Variants in NRXN3 observed in about 807,000 individuals in gnomAD.
The protein encoded by NRXN3 is neurexin III.
NRXN3 carries 32 observed loss-of-function variants against 137.6 expected under a neutral mutation model. That is an observed-to-expected ratio of 0.23 (90% CI 0.18 to 0.31). The LOEUF (loss-of-function observed/expected upper bound fraction) is 0.31, where lower values mean the gene tolerates loss of function less well. Ranked by LOEUF, NRXN3 falls within the 10% of genes least tolerant of loss-of-function variation. NRXN3 has a pLI of 1.00. For missense variants in NRXN3, 1,574 were observed against 2,062.5 expected, an observed-to-expected ratio of 0.76 and a Z score of 4.59; for synonymous variants, 798 against 784.5, an observed-to-expected ratio of 1.02 and a Z score of -0.29.
intron 15 of NRXN3, among the ~76,000 whole-genome samples, chr14:79,371,782 T>G (rs1347508786): frequency 6.6e-6 from 1 of 152,150 alleles, no homozygotes; most frequent in Non-Finnish European, 1.5e-5. Context: ...TACTGCCCAT[T>G]TTATTTGAGG....
chr14:78,510,040 T>TTATATATATATA lies in NRXN3; in HGVS notation c.758-135072_758-135061dup, dbSNP rs57232548. 5.3e-3 allele frequency among the ~76,000 whole-genome samples: 770 copies of TTATATATATATA among 144,468 alleles called. 20 individuals carry two copies. The highest frequency in any genetic ancestry group is 0.019 in the African/African-American group (707 of 36,556). The allele number at this position is 144,468 out of a possible 152,430, so 94.8% of individuals were successfully genotyped here. ...AAGGCAGCCAGAACATGACAAAATT[T>TTATATATATATA]TATATATATATATATATATTTTGGC... On this transcript the variant is annotated intron_variant, in intron 4 of 20. Coordinates refer to ENST00000335750, the MANE Select transcript of NRXN3 (RefSeq NM_001330195.2).
chr14:78,514,079 C>G (rs934557721), intron 4 of NRXN3, among the ~76,000 whole-genome samples: 1 of 151,910 alleles, frequency 6.6e-6, no homozygotes, highest in African/African-American at 2.4e-5. Context: ...CTGCTGCCAC[C>G]TTTCATATTC....
At chr14:78,493,050 C>T (rs73320481) in intron 4 of NRXN3, among the ~76,000 whole-genome samples, 3,247 of 152,182 alleles carry the variant, frequency 0.021, 111 homozygotes, top group African/African-American at 0.071. Context: ...GTACCCTTTC[C>T]GATAATGCTT....
intron 10 of NRXN3, among the ~76,000 whole-genome samples, chr14:78,877,080 T>C (rs2152610799): frequency 6.6e-6 from 1 of 152,298 alleles, no homozygotes; most frequent in East Asian, 1.9e-4. Context: ...AAATTCAACA[T>C]TCACAAGTGC....
chr14:79,816,671 C>T (rs2293814), intron 20 of NRXN3, among the ~76,000 whole-genome samples: 16,100 of 152,198 alleles, frequency 0.11, 1,153 homozygotes, highest in African/African-American at 0.19. Flanking sequence ...ATAGCATGAT[C>T]CCATTACATA....
At position 79,783,714 on chromosome 14, in the gene NRXN3, G is replaced by C. The variant is rs1392556718; in HGVS notation, c.4015-21398G>C. Among the ~76,000 whole-genome samples the C allele has an allele frequency of 2.8e-4, 43 of 152,134 alleles. 1 individual carries two copies. The highest frequency in any genetic ancestry group is 1.5e-5 in the Non-Finnish European group (1 of 68,022). On this transcript the variant is annotated intron_variant, in intron 19 of 20. Transcript: ENST00000335750. ...TGTTTTATTATGTAAAATTCTGATA[G>C]TATCATGTATGTCTTTAGAATTTCC...
At chr14:78,191,586 G>T (rs1404422895) in intron 1 of NRXN3, among the ~76,000 whole-genome samples, 1 of 152,186 alleles carries the variant, frequency 6.6e-6, no homozygotes, top group East Asian at 1.9e-4. Flanking sequence ...ATCTAGAGTT[G>T]CTTGGCTGTG....
At chr14:78,816,206 G>C (rs553662518) in intron 10 of NRXN3, among the ~76,000 whole-genome samples, 2 of 152,160 alleles carry the variant, frequency 1.3e-5, no homozygotes, top group African/African-American at 4.8e-5. Context: ...TTTTAAAATA[G>C]TTAATAAGAT....
intron 19 of NRXN3, chr14:79,760,771 G>T (rs2099035753): frequency 6.6e-6 from 1 of 151,400 alleles, no homozygotes; most frequent in Non-Finnish European, 1.5e-5. Flanking sequence ...GTTCTCTTCT[G>T]GGTTATCGCG....
chr14:78,737,119 G>A (rs1413260022), intron 8 of NRXN3, among the ~76,000 whole-genome samples: 1 of 152,174 alleles, frequency 6.6e-6, no homozygotes, highest in African/African-American at 2.4e-5. Flanking sequence ...AGAATGTAAA[G>A]AGGAATGTTT....
At chr14:79,140,573 CTGTGTGTGTGTGTG>C (rs3035591) in intron 15 of NRXN3, among the ~76,000 whole-genome samples, 3 of 143,834 alleles carry the variant, frequency 2.1e-5, no homozygotes, top group Non-Finnish European at 4.6e-5. Context: ...CCCCACCTCA[CTGTGTGTGTGTGTG>C]TGTGTGTGTG....
intron 10 of NRXN3, among the ~76,000 whole-genome samples, chr14:78,915,372 A>C (rs866454246): frequency 2.7e-4 from 37 of 137,886 alleles, no homozygotes; most frequent in African/African-American, 9.6e-4. Flanking sequence ...AAAAAAAAAA[A>C]CCACACAGAA....
intron 1 of NRXN3, among the ~76,000 whole-genome samples, chr14:78,176,177 G>A (rs2059248288): frequency 6.6e-6 from 1 of 152,124 alleles, no homozygotes; most frequent in Admixed American, 6.5e-5. Context: ...GTCTAGATCT[G>A]CTGGAGGAAT....
Position 79,400,420 on chromosome 14 carries a change from A to G in NRXN3, c.3263-66801A>G, listed in dbSNP as rs76219820. Among the ~76,000 whole-genome samples, 49 of 152,256 alleles carry G rather than the reference A, an allele frequency of 3.2e-4. 1 individual carries two copies. The East Asian group carries it at 9.5e-3, about 29-fold the overall frequency. The stretch of plus-strand genomic sequence containing the variant: ...CCTAGGCTCTTATTTACTTAATTCA[A>G]TCTTATCCTCACAACAGCCTTTGCA... On this transcript the variant is annotated intron_variant, in intron 15 of 20. Transcript: ENST00000335750.
At position 78,367,513 on chromosome 14, in the gene NRXN3, C is replaced by G. The variant is rs1355825707; in HGVS notation, c.757+69653C>G. 2.0e-5 allele frequency among the ~76,000 whole-genome samples: 3 copies of G among 152,268 alleles called. No individual in the cohort carries two copies. The South Asian group carries it at 6.2e-4, about 32-fold the overall frequency. Reference sequence around the variant, plus strand: ...TTATATGCTTACAATTCACAACCAACCAGCATTTATTTGCATGTCACCTAC... The same window carrying G: ...TTATATGCTTACAATTCACAACCAAGCAGCATTTATTTGCATGTCACCTAC... On this transcript the variant is annotated intron_variant, in intron 4 of 20. Coordinates refer to ENST00000335750, the MANE Select transcript of NRXN3 (RefSeq NM_001330195.2).
intron 15 of NRXN3, among the ~76,000 whole-genome samples, chr14:78,996,894 T>G (rs964102244): frequency 2.0e-5 from 3 of 152,090 alleles, no homozygotes; most frequent in Non-Finnish European, 2.9e-5. Context: ...AAGATAACAA[T>G]GAAACCCAGG....
intron 15 of NRXN3, among the ~76,000 whole-genome samples, chr14:79,047,852 C>A (rs1244495731): frequency 6.6e-6 from 1 of 152,108 alleles, no homozygotes; most frequent in Non-Finnish European, 1.5e-5. Context: ...ATGATAAAAC[C>A]ACTTTGGAAA....
At chr14:79,001,058 T>C (rs1416167619) in intron 15 of NRXN3, among the ~76,000 whole-genome samples, 1 of 152,150 alleles carries the variant, frequency 6.6e-6, no homozygotes, top group Non-Finnish European at 1.5e-5. Flanking sequence ...ATATTTGGTT[T>C]CCTAGGTAAT....
chr14:78,412,674 T>A (rs1436370160), intron 4 of NRXN3, among the ~76,000 whole-genome samples: 1 of 152,168 alleles, frequency 6.6e-6, no homozygotes, highest in African/African-American at 2.4e-5. Flanking sequence ...CCAGGTCACG[T>A]GACTTCAGAG....
Sources: gnomAD v4.1 joint callset for allele counts (sites outside exome capture counted in the v4.1 genomes callset) on GRCh38, gnomAD v4.1.1 for gene constraint, MANE v1.5 for transcripts, NCBI Gene and HGNC (gene_info 2026-07-23, HGNC 2026-07-21) for gene names.